The following SCAPER variants were observed in gnomAD, a reference collection of about 807,000 sequenced individuals.
SCAPER encodes the protein S phase cyclin A-associated protein in the endoplasmic reticulum.
Under a neutral mutation model 182.2 loss-of-function variants are expected in SCAPER, and 98 were observed. The ratio of observed to expected loss-of-function variants is 0.54; its 90% CI spans 0.46 to 0.64. The LOEUF is 0.64. SCAPER is among the 30% of genes least tolerant of loss of function. SCAPER has a pLI of 0.00. For missense variants in SCAPER, 1,432 were observed against 1,690.0 expected (o/e 0.85, Z 2.68); for synonymous variants, 605 against 564.6 (o/e 1.07, Z -1.01).
chr15:76,639,766 T>C (rs2053951322), intron 21 of SCAPER, among the ~76,000 whole-genome samples: 1 of 147,200 alleles, frequency 6.8e-6, no homozygotes, highest in South Asian at 2.1e-4. Context: ...AAAATATATA[T>C]ACTATCTTTA....
chr15:76,781,259 G>A (rs117110461), intron 8 of SCAPER, among the ~76,000 whole-genome samples: 1,884 of 152,210 alleles, frequency 0.012, 24 homozygotes, highest in Non-Finnish European at 0.017. Flanking sequence ...CTTCAATAGC[G>A]GATTCGATCA....
chr15:76,431,678 A>C lies in SCAPER; in HGVS notation c.3311+2400T>G, dbSNP rs1254063877. 1.3e-4 allele frequency among the ~76,000 whole-genome samples: 5 copies of C among 38,810 alleles called. No individual in the cohort carries two copies. The East Asian group carries it at 2.5e-3, about 19-fold the overall frequency. The allele number at this position is 38,810 out of a possible 152,430, so 25.5% of individuals were successfully genotyped here. ...AAGGCAAGTATGAAAATGATTAGCA[A>C]AAAAAAAAAAAAAAAAAAAAAAAAA... On this transcript the variant is annotated intron_variant, in intron 26 of 31. Coordinates refer to ENST00000563290, the MANE Select transcript of SCAPER (RefSeq NM_020843.4).
At chr15:76,657,979 G>A (rs2055815162) in intron 21 of SCAPER, among the ~76,000 whole-genome samples, 1 of 152,096 alleles carries the variant, frequency 6.6e-6, no homozygotes, top group South Asian at 2.1e-4. Flanking sequence ...GGCAAAAGCT[G>A]GAAGCACTGC....
At position 76,753,903 on chromosome 15, in the gene SCAPER, G is replaced by A. The variant is rs2062246670; in HGVS notation, c.1771C>T (p.Arg591Cys). 5.0e-6 allele frequency: 8 copies of A among 1,612,860 alleles called. No individual in the cohort carries two copies. Among genetic ancestry groups the A allele is most frequent in the Non-Finnish European group, 6.8e-6 (8 of 1,179,250 alleles). ...AGTAATTTTTCTTCCATCATCCTGC[G>A]TCGTTGATCTAGCAATTCTTCCTTC... ...KWKEELLDQR[R>C]RMMEEKLLHA... The change falls in exon 15 of 32, where the codon CGC becomes TGC. Residue 591 changes from arginine (R) to cysteine (C), a missense_variant. Coordinates refer to ENST00000563290, the MANE Select transcript of SCAPER (RefSeq NM_020843.4).
chr15:76,557,225 T>C (rs1348679430), intron 23 of SCAPER, among the ~76,000 whole-genome samples: 1 of 152,066 alleles, frequency 6.6e-6, no homozygotes, highest in Non-Finnish European at 1.5e-5. Flanking sequence ...AAAGTACCAA[T>C]GCCATTCTTC....
At chr15:76,589,567 G>A (rs901259767) in intron 22 of SCAPER, among the ~76,000 whole-genome samples, 10 of 152,108 alleles carry the variant, frequency 6.6e-5, no homozygotes, top group Non-Finnish European at 1.3e-4. Flanking sequence ...TTGTTTCCAG[G>A]CAGTGGGCAA....
rs920449044 is a variant in SCAPER at position 76,786,042 on chromosome 15, C to T, written c.772+9238G>A. On this transcript the variant is annotated intron_variant, in intron 8 of 31. Coordinates refer to ENST00000563290, the MANE Select transcript of SCAPER (RefSeq NM_020843.4). ...AAGTATAATAATATTTAAAAAAAAT[C>T]AATGGGCTGAGTACGGTGGCTCATG... Among the ~76,000 whole-genome samples the T allele has an allele frequency of 7.2e-5, 11 of 151,874 alleles. No homozygotes were observed. The South Asian group carries it at 1.2e-3, about 17-fold the overall frequency.
At chr15:76,410,779 T>C (rs542585756) in intron 26 of SCAPER, among the ~76,000 whole-genome samples, 1 of 152,168 alleles carries the variant, frequency 6.6e-6, no homozygotes, top group Admixed American at 6.5e-5. Context: ...AGTGTTCTAT[T>C]CTTGCTTTTT....
At chr15:76,606,146 T>C (rs1470907163) in intron 22 of SCAPER, among the ~76,000 whole-genome samples, 5 of 152,204 alleles carry the variant, frequency 3.3e-5, no homozygotes, top group Non-Finnish European at 7.3e-5. Flanking sequence ...CTGCTTTCTC[T>C]TGTGGGCATT....
rs779995879 is a variant in SCAPER at position 76,857,869 on chromosome 15, T to C, written c.135A>G (p.Lys45=). The change falls in exon 4 of 32, where the codon AAA becomes AAG. Residue 45 remains lysine, a synonymous_variant. Transcript: ENST00000563290. ...TCTTAGATTTTCCACCAGTTTGACATTTAGGTTTTCCTTCAAGGCAAGAAA... is the reference window on the plus strand; with the variant it reads ...TCTTAGATTTTCCACCAGTTTGACACTTAGGTTTTCCTTCAAGGCAAGAAA... The part of the protein sequence containing the change: ...LESKDDDGKP[K]CQTGGKSKRT... 2 of 1,545,850 alleles carry C rather than the reference T, an allele frequency of 1.3e-6. No individual in the cohort carries two copies. Among genetic ancestry groups the C allele is most frequent in the Non-Finnish European group, 8.7e-7 (1 of 1,144,130 alleles).
At chr15:76,460,303 G>T (rs1388583112) in intron 25 of SCAPER, among the ~76,000 whole-genome samples, 1 of 151,992 alleles carries the variant, frequency 6.6e-6, no homozygotes, top group African/African-American at 2.4e-5. Flanking sequence ...TCATTCCTAA[G>T]AATTTTATTT....
intron 18 of SCAPER, among the ~76,000 whole-genome samples, chr15:76,705,619 A>G (rs536493425): frequency 7.3e-4 from 111 of 152,144 alleles, no homozygotes; most frequent in African/African-American, 2.6e-3. Flanking sequence ...TACACTTAAC[A>G]TGACTGAACT....
At chr15:76,632,189 GTTTT>G (rs1206831081) in intron 21 of SCAPER, among the ~76,000 whole-genome samples, 1 of 151,856 alleles carries the variant, frequency 6.6e-6, no homozygotes, top group Non-Finnish European at 1.5e-5. Context: ...TCCGGTAACG[GTTTT>G]TTGTTTGTTT....
chr15:76,621,593 C>T (rs1179773841), intron 22 of SCAPER, among the ~76,000 whole-genome samples, 171 bp downstream of exon 22: 1 of 152,166 alleles, frequency 6.6e-6, no homozygotes, highest in African/African-American at 2.4e-5. Flanking sequence ...CCAGACATGG[C>T]CAAATATCCT....
chr15:76,900,103 C>T (rs1409353598), intron 1 of SCAPER, among the ~76,000 whole-genome samples: 3 of 151,998 alleles, frequency 2.0e-5, no homozygotes, highest in South Asian at 2.1e-4. Context: ...TTAAGGGCGG[C>T]GCAAGATGTG....
chr15:76,873,681 C>A (rs138638139), intron 2 of SCAPER, among the ~76,000 whole-genome samples: 1,682 of 152,178 alleles, frequency 0.011, 17 homozygotes, highest in Middle Eastern at 0.041. Context: ...AAGATTTGAA[C>A]AACATAATTA....
At chr15:76,569,996 T>C (rs1460546132) in intron 23 of SCAPER, among the ~76,000 whole-genome samples, 1 of 152,190 alleles carries the variant, frequency 6.6e-6, no homozygotes, top group Non-Finnish European at 1.5e-5. Flanking sequence ...GTATGCTTAA[T>C]TACCTTACTG....
chr15:76,506,782 A>T (rs1352922520), intron 23 of SCAPER, among the ~76,000 whole-genome samples: 2 of 152,212 alleles, frequency 1.3e-5, no homozygotes, highest in African/African-American at 4.8e-5. Context: ...ATAATCTAAT[A>T]TCTAATCATT....
chr15:76,388,326 C>T lies in SCAPER; in HGVS notation c.3468-6711G>A, dbSNP rs571197628. ...TTTTCTAGGGCTAGGTGTGGTGGTA[C>T]ACGCCTATAGTCCCAGCTGCTTAGG... On this transcript the variant is annotated intron_variant, in intron 27 of 31. Coordinates refer to ENST00000563290, the MANE Select transcript of SCAPER (RefSeq NM_020843.4). Among the ~76,000 whole-genome samples, 8 of 152,142 alleles carry T rather than the reference C, an allele frequency of 5.3e-5. No individual in the cohort carries two copies. The East Asian group carries it at 1.5e-3, about 29-fold the overall frequency.
Sources: allele counts gnomAD v4.1 joint callset (sites outside exome capture counted in the v4.1 genomes callset), GRCh38; gene constraint gnomAD v4.1.1; transcripts MANE v1.5; gene names NCBI Gene and HGNC (gene_info 2026-07-23, HGNC 2026-07-21).